The following PUM1 variants were observed in gnomAD, a reference collection of about 807,000 sequenced individuals.
The protein encoded by PUM1 is pumilio homolog 1.
PUM1 carries 13 observed loss-of-function variants against 131.8 expected under a neutral mutation model. That is an observed-to-expected ratio of 0.10 (90% CI 0.06 to 0.16). The LOEUF (loss-of-function observed/expected upper bound fraction) is 0.16, where lower values mean the gene tolerates loss of function less well. PUM1 is among the 10% of genes least tolerant of loss of function. The pLI is 1.00. For missense variants in PUM1, 961 were observed against 1,512.4 expected (o/e 0.64, Z 6.05); for synonymous variants, 509 against 556.5 (o/e 0.91, Z 1.20).
chr1:31,000,713 A>C (rs1207536634), intron 5 of PUM1, among the ~76,000 whole-genome samples: 2 of 152,196 alleles, frequency 1.3e-5, no homozygotes, highest in Non-Finnish European at 1.5e-5. Context: ...CTTTCTACAA[A>C]GTATTTTATA....
At chr1:30,992,308 C>A (rs1029843660) in intron 7 of PUM1, 82 bp downstream of exon 7, 21 of 1,528,980 alleles carry the variant, frequency 1.4e-5, no homozygotes, top group Non-Finnish European at 1.7e-5. Context: ...CCACCACCTC[C>A]CCCATCCCCC....
At chr1:31,010,919 A>G (rs1642587952) in intron 3 of PUM1, among the ~76,000 whole-genome samples, 1 of 152,176 alleles carries the variant, frequency 6.6e-6, no homozygotes, top group Non-Finnish European at 1.5e-5. Flanking sequence ...CTGTAATCCC[A>G]GTGCTTTCTA....
intron 20 of PUM1, among the ~76,000 whole-genome samples, chr1:30,939,352 C>T (rs1171584339): frequency 2.0e-5 from 3 of 152,196 alleles, no homozygotes; most frequent in Admixed American, 6.5e-5. Context: ...AAATGTGGTT[C>T]AGGGGTCAGC....
At chr1:31,059,133 G>A (rs1379607630) in intron 2 of PUM1, 71 bp downstream of exon 2, 31 of 1,484,712 alleles carry the variant, frequency 2.1e-5, no homozygotes, top group Non-Finnish European at 2.8e-5. Context: ...GACATTCATT[G>A]AAAGCAGATA....
intron 6 of PUM1, among the ~76,000 whole-genome samples, chr1:30,994,000 G>A (rs1641896302): frequency 6.6e-6 from 1 of 152,170 alleles, no homozygotes. Context: ...AACTCAGGAG[G>A]TGGTGGCTGC....
chr1:31,017,844 A>G (rs1160361006), intron 3 of PUM1, among the ~76,000 whole-genome samples: 1 of 152,190 alleles, frequency 6.6e-6, no homozygotes, highest in Non-Finnish European at 1.5e-5. Flanking sequence ...CAGTAGTAAC[A>G]TTATAAAATT....
intron 9 of PUM1, among the ~76,000 whole-genome samples, chr1:30,979,169 T>C (rs1385998652): frequency 3.4e-5 from 5 of 146,802 alleles, no homozygotes; most frequent in Non-Finnish European, 7.5e-5. Context: ...AACTCATGTA[T>C]ACATCCCACA....
intron 3 of PUM1, among the ~76,000 whole-genome samples, chr1:31,025,545 C>CTTTTTTTTTTT (rs35510099): frequency 1.1e-5 from 1 of 88,822 alleles, no homozygotes; most frequent in Non-Finnish European, 2.0e-5. Flanking sequence ...TGTTTTTTGT[C>CTTTTTTTTTTT]TTTTTTTTTT....
At chr1:31,003,569 C>G (rs1224332107) in intron 5 of PUM1, among the ~76,000 whole-genome samples, 1 of 152,034 alleles carries the variant, frequency 6.6e-6, no homozygotes, top group Non-Finnish European at 1.5e-5. Context: ...CCAGCCTGGC[C>G]AACATGGGGA....
chr1:31,048,977 G>A (rs1054626102), intron 2 of PUM1, among the ~76,000 whole-genome samples: 4 of 151,634 alleles, frequency 2.6e-5, no homozygotes, highest in Non-Finnish European at 4.4e-5. Flanking sequence ...AGGCTGAGGC[G>A]GGTAGATCAC....
chr1:31,021,316 GC>G (rs1643019387), intron 3 of PUM1, among the ~76,000 whole-genome samples: 1 of 151,986 alleles, frequency 6.6e-6, no homozygotes, highest in African/African-American at 2.4e-5. Context: ...ATCCCTGAGA[GC>G]AGAAAAGTCA....
At chr1:31,007,592 T>C (rs946130721) in intron 3 of PUM1, among the ~76,000 whole-genome samples, 1 of 152,232 alleles carries the variant, frequency 6.6e-6, no homozygotes. Flanking sequence ...TCACTTCCTT[T>C]ATACACAGAG....
intron 2 of PUM1, 123 bp from the exon 3 acceptor site, chr1:31,028,987 T>C (rs1030804669): frequency 2.0e-5 from 15 of 750,756 alleles, no homozygotes; most frequent in Non-Finnish European, 3.5e-5. Context: ...ACAATAGCAA[T>C]GATCAAGTGA....
At position 31,012,865 on chromosome 1, in the gene PUM1, T is replaced by C. The variant is rs142732737; in HGVS notation, c.433-5763A>G. Among the ~76,000 whole-genome samples the C allele has an allele frequency of 1.1e-3, 171 of 152,332 alleles. 1 individual carries two copies. The highest frequency in any genetic ancestry group is 6.8e-3 in the Middle Eastern group (2 of 294). Reference sequence around the variant, plus strand: ...TTTTAAGAACAGTGATAAAGACCCATGAATGCTCTGAAATCACTTTATTTT... The same window carrying C: ...TTTTAAGAACAGTGATAAAGACCCACGAATGCTCTGAAATCACTTTATTTT... On this transcript the variant is annotated intron_variant, in intron 3 of 21. Coordinates refer to ENST00000426105, the MANE Select transcript of PUM1 (RefSeq NM_001020658.2).
chr1:30,993,608 T>C (rs1427331127), intron 6 of PUM1, among the ~76,000 whole-genome samples: 1 of 152,120 alleles, frequency 6.6e-6, no homozygotes, highest in African/African-American at 2.4e-5. Flanking sequence ...TGGTTCCTTC[T>C]CTTTCTTTCT....
chr1:30,949,749 A>G (rs1186890589), intron 17 of PUM1, among the ~76,000 whole-genome samples: 1 of 152,224 alleles, frequency 6.6e-6, no homozygotes, highest in Non-Finnish European at 1.5e-5. Flanking sequence ...GTGGGATGAA[A>G]GAACAGGAGA....
intron 2 of PUM1, among the ~76,000 whole-genome samples, chr1:31,039,171 AT>A (rs1643737779): frequency 6.9e-6 from 1 of 144,708 alleles, no homozygotes; most frequent in African/African-American, 2.6e-5. Context: ...TGACTTTTTA[AT>A]TTTTTTATAG....
intron 21 of PUM1, 97 bp from the exon 22 acceptor site, chr1:30,933,439 T>TAC (rs58664754): frequency 0.16 from 56,721 of 359,740 alleles, 3,287 homozygotes; most frequent in Admixed American, 0.18. Context: ...CACACACACA[T>TAC]ACACACACAC....
chr1:30,981,124 G>T (rs1641340373), intron 8 of PUM1, among the ~76,000 whole-genome samples, 188 bp downstream of exon 8: 1 of 152,184 alleles, frequency 6.6e-6, no homozygotes, highest in Non-Finnish European at 1.5e-5. Context: ...TTATGATGCG[G>T]GTCTACAAGC....
Sources: allele counts gnomAD v4.1 joint callset (sites outside exome capture counted in the v4.1 genomes callset), GRCh38; gene constraint gnomAD v4.1.1; transcripts MANE v1.5; gene names NCBI Gene and HGNC (gene_info 2026-07-23, HGNC 2026-07-21).